The following PIBF1 variants were observed in gnomAD, a reference collection of about 807,000 sequenced individuals.
PIBF1 encodes the protein progesterone immunomodulatory binding factor 1, also known as progesterone-induced-blocking factor 1.
A neutral mutation model predicts 112.5 loss-of-function variants in PIBF1; 90 were observed. The observed-to-expected ratio is 0.80, with a 90% CI of 0.67 to 0.95. The LOEUF (loss-of-function observed/expected upper bound fraction) is 0.95. Among genes scored for constraint, PIBF1 ranks in the 40% least tolerant of loss-of-function variants. PIBF1 has a pLI of 0.00. For synonymous variants in PIBF1, 301 were observed against 288.6 expected (o/e 1.04, Z -0.44); for missense variants, 915 against 852.3 (o/e 1.07, Z -0.92).
chr13:72,794,810 T>G (rs994528490), intron 3 of PIBF1, among the ~76,000 whole-genome samples: 3 of 152,194 alleles, frequency 2.0e-5, no homozygotes, highest in African/African-American at 7.2e-5. Flanking sequence ...ATTAGTAGCA[T>G]GAGAGCAGAC....
At position 72,994,373 on chromosome 13, in the gene PIBF1, G is replaced by A. The variant is rs76499759; in HGVS notation, c.2050-4449G>A. ...AAAAGGGCAGAAACTCTGAAAAGAG[G>A]GGAAAAAAATATTTGTTGGAAAGTT... On this transcript the variant is annotated intron_variant, in intron 16 of 17. Coordinates refer to ENST00000326291, the MANE Select transcript of PIBF1 (RefSeq NM_006346.4). Among the ~76,000 whole-genome samples, 1,472 of 152,078 alleles carry A rather than the reference G, an allele frequency of 9.7e-3. 97 individuals are homozygous for A. In the East Asian group the frequency reaches 0.18, roughly 19 times the overall value.
intron 13 of PIBF1, among the ~76,000 whole-genome samples, chr13:72,918,706 C>CTTTT (rs71099768): frequency 7.5e-6 from 1 of 132,556 alleles, no homozygotes; most frequent in African/African-American, 2.8e-5. Context: ...GCAACTACAT[C>CTTTT]TTTTTTTTTT....
At chr13:72,815,737 C>G (rs902750390) in intron 5 of PIBF1, among the ~76,000 whole-genome samples, 1 of 152,150 alleles carries the variant, frequency 6.6e-6, no homozygotes, top group Non-Finnish European at 1.5e-5. Context: ...ATGATCACAC[C>G]TCACTGCAGC....
intron 9 of PIBF1, among the ~76,000 whole-genome samples, chr13:72,843,210 A>G (rs1018778810): frequency 7.9e-5 from 12 of 152,230 alleles, no homozygotes; most frequent in Admixed American, 7.9e-4. Context: ...AAAGCCTAGA[A>G]GCAGGGAGAT....
At chr13:72,940,709 G>A (rs1213207334) in intron 14 of PIBF1, among the ~76,000 whole-genome samples, 4 of 152,166 alleles carry the variant, frequency 2.6e-5, no homozygotes, top group Non-Finnish European at 5.9e-5. Flanking sequence ...TTTAGGCAGA[G>A]AAGGGTTTAT....
chr13:72,835,220 T>A (rs1446534381), intron 8 of PIBF1, 23 bp from the exon 9 acceptor site: 2 of 1,515,424 alleles, frequency 1.3e-6, no homozygotes, highest in African/African-American at 1.4e-5. Context: ...AAATTTATGG[T>A]TGTTCCTTTT....
At chr13:72,973,342 A>C (rs2042943771) in intron 15 of PIBF1, among the ~76,000 whole-genome samples, 1 of 151,526 alleles carries the variant, frequency 6.6e-6, no homozygotes. Context: ...GAAAAAAGAA[A>C]GGAAAAGAAA....
chr13:72,928,032 T>TAC (rs1566458765), intron 13 of PIBF1, among the ~76,000 whole-genome samples: 14 of 133,322 alleles, frequency 1.1e-4, no homozygotes, highest in Non-Finnish European at 1.6e-4. Context: ...TATACATATA[T>TAC]ATATATATAT....
At chr13:72,798,169 G>A in intron 5 of PIBF1, 143 bp downstream of exon 5, 1 of 785,632 alleles carries the variant, frequency 1.3e-6, no homozygotes. Context: ...ATAATGGGAA[G>A]GAGGTTAAAT....
intron 2 of PIBF1, among the ~76,000 whole-genome samples, chr13:72,790,272 T>G (rs1256974182): frequency 2.0e-5 from 3 of 152,158 alleles, no homozygotes; most frequent in African/African-American, 7.2e-5. Flanking sequence ...TTCCTAAGTT[T>G]TTGGCTTATT....
At chr13:72,858,761 AT>A (rs1242582530) in intron 10 of PIBF1, among the ~76,000 whole-genome samples, 1 of 152,164 alleles carries the variant, frequency 6.6e-6, no homozygotes, top group Non-Finnish European at 1.5e-5. Context: ...AAGAATACTT[AT>A]ATACAAGTTT....
intron 17 of PIBF1, among the ~76,000 whole-genome samples, chr13:73,000,094 G>T (rs1487881772): frequency 6.6e-6 from 1 of 152,206 alleles, no homozygotes; most frequent in Admixed American, 6.5e-5. Context: ...ACGTGTGGCA[G>T]TAATGTAGAC....
Position 72,985,892 on chromosome 13 carries a change from A to G in PIBF1, c.2049+12217A>G, listed in dbSNP as rs190958600. Among the ~76,000 whole-genome samples the G allele has an allele frequency of 4.3e-4, 65 of 152,122 alleles. No homozygotes were observed. The East Asian group carries it at 0.012, about 27-fold the overall frequency. On this transcript the variant is annotated intron_variant, in intron 16 of 17. Coordinates refer to ENST00000326291, the MANE Select transcript of PIBF1 (RefSeq NM_006346.4). ...GGGTCCAGCACAGTGGGTCACACCT[A>G]TAATCCCAGGACTTTGGGAGGCTGA...
intron 16 of PIBF1, among the ~76,000 whole-genome samples, chr13:72,977,078 A>C (rs1284884150): frequency 1.3e-5 from 2 of 152,210 alleles, no homozygotes; most frequent in African/African-American, 4.8e-5. Context: ...TAATCAGTTA[A>C]ATTTGGACAG....
chr13:72,809,331 T>C (rs2138050168), intron 5 of PIBF1, among the ~76,000 whole-genome samples: 1 of 151,880 alleles, frequency 6.6e-6, no homozygotes, highest in East Asian at 1.9e-4. Flanking sequence ...ACTTGGAGAA[T>C]GGAGTATCAA....
intron 5 of PIBF1, among the ~76,000 whole-genome samples, chr13:72,807,515 T>C (rs1043114474): frequency 7.2e-5 from 11 of 152,094 alleles, no homozygotes; most frequent in Admixed American, 7.2e-4. Flanking sequence ...GTGGAGGTTG[T>C]AGTGAGCCAA....
Position 72,854,199 on chromosome 13 carries a change from G to A in PIBF1, c.1322+44G>A. 3.3e-6 allele frequency: 4 copies of A among 1,214,130 alleles called. No individual in the cohort carries two copies. The East Asian group carries it at 7.0e-5, about 21-fold the overall frequency. The allele number at this position is 1,214,130 out of a possible 1,614,324, so 75.2% of individuals were successfully genotyped here. A position where few individuals can be genotyped will look rare whatever the true frequency, so the allele number is the denominator to read the frequency against. The stretch of plus-strand genomic sequence containing the variant: ...GAAATGTTAAAACTCTTCCATTATT[G>A]TTTCTGTTACATATTCTTTTAGAAA... On this transcript the variant is annotated intron_variant, in intron 10 of 17. Coordinates refer to ENST00000326291, the MANE Select transcript of PIBF1 (RefSeq NM_006346.4).
intron 5 of PIBF1, among the ~76,000 whole-genome samples, chr13:72,803,052 C>T (rs960611009): frequency 6.6e-6 from 1 of 152,046 alleles, no homozygotes; most frequent in African/African-American, 2.4e-5. Flanking sequence ...TCATTGAAAA[C>T]CTTGTCAAGA....
intron 5 of PIBF1, among the ~76,000 whole-genome samples, chr13:72,810,578 AT>A (rs2035960432): frequency 6.6e-6 from 1 of 152,150 alleles, no homozygotes; most frequent in Non-Finnish European, 1.5e-5. Context: ...GATGAAACAT[AT>A]TTGTTTATTA....
Sources: gnomAD v4.1 joint callset for allele counts (sites outside exome capture counted in the v4.1 genomes callset) on GRCh38, gnomAD v4.1.1 for gene constraint, MANE v1.5 for transcripts, NCBI Gene and HGNC (gene_info 2026-07-23, HGNC 2026-07-21) for gene names.